The following TFCP2 variants were observed in gnomAD, a reference collection of about 807,000 sequenced individuals.
The protein encoded by TFCP2 is alpha-globin transcription factor CP2.
In TFCP2, 33 loss-of-function variants were observed where a neutral mutation model predicts 73.4. The ratio of observed to expected loss-of-function variants is 0.45; its 90% confidence interval spans 0.34 to 0.60. The LOEUF (loss-of-function observed/expected upper bound fraction) is 0.60. TFCP2 is among the 20% of genes least tolerant of loss of function. The probability of loss-of-function intolerance (pLI) is 0.01; values close to 1 mark genes in which losing one functional copy is unlikely to be tolerated. For synonymous variants in TFCP2, 193 were observed against 211.6 expected (o/e 0.91, Z 0.76); for missense variants, 352 against 604.0 (o/e 0.58, Z 4.37).
intron 6 of TFCP2, among the ~76,000 whole-genome samples, chr12:51,108,854 G>C (rs901956376): frequency 6.6e-6 from 1 of 152,166 alleles, no homozygotes; most frequent in Non-Finnish European, 1.5e-5. Context: ...CTTTACAAGA[G>C]CTTGTAACTT....
At chr12:51,119,214 C>T (rs903863219) in intron 1 of TFCP2, among the ~76,000 whole-genome samples, 7 of 152,102 alleles carry the variant, frequency 4.6e-5, no homozygotes, top group African/African-American at 1.2e-4. Flanking sequence ...AAATCAATAA[C>T]GAGTATATAT....
intron 1 of TFCP2, among the ~76,000 whole-genome samples, chr12:51,144,359 A>C (rs1476572253): frequency 6.6e-6 from 1 of 152,156 alleles, no homozygotes; most frequent in Non-Finnish European, 1.5e-5. Context: ...TCAATAAGCG[A>C]ACCAAGAAAG....
chr12:51,123,132 G>T (rs899575739), intron 1 of TFCP2, among the ~76,000 whole-genome samples: 5 of 152,104 alleles, frequency 3.3e-5, no homozygotes, highest in Non-Finnish European at 5.9e-5. Context: ...CTAAGCAAAG[G>T]ACTGTCATCT....
At chr12:51,164,597 G>GA (rs34452012) in intron 1 of TFCP2, among the ~76,000 whole-genome samples, 19,315 of 98,962 alleles carry the variant, frequency 0.2, 1,935 homozygotes, top group Middle Eastern at 0.33. Flanking sequence ...ACTCCATCTC[G>GA]AAAAAAAAAA....
intron 1 of TFCP2, among the ~76,000 whole-genome samples, chr12:51,161,968 A>C (rs1941660285): frequency 6.6e-6 from 1 of 151,782 alleles, no homozygotes; most frequent in African/African-American, 2.4e-5. Context: ...ATCAATAAAA[A>C]TATTTTAAAA....
At chr12:51,104,580 AT>A (rs1940184455) in intron 8 of TFCP2, among the ~76,000 whole-genome samples, 1 of 152,200 alleles carries the variant, frequency 6.6e-6, no homozygotes, top group African/African-American at 2.4e-5. Context: ...AAAATGAAAA[AT>A]ATCAGGATAA....
chr12:51,127,768 A>G (rs1201357520), intron 1 of TFCP2, among the ~76,000 whole-genome samples: 5 of 152,226 alleles, frequency 3.3e-5, no homozygotes, highest in Non-Finnish European at 7.3e-5. Context: ...CTCTAAATGA[A>G]TAAAAAATTC....
intron 1 of TFCP2, among the ~76,000 whole-genome samples, chr12:51,127,009 A>T (rs1940832723): frequency 1.3e-5 from 2 of 152,230 alleles, no homozygotes; most frequent in Non-Finnish European, 2.9e-5. Flanking sequence ...GCTACTGAAA[A>T]ATCTCATTCA....
intron 1 of TFCP2, among the ~76,000 whole-genome samples, chr12:51,136,534 C>T (rs1344087688): frequency 6.6e-6 from 1 of 152,046 alleles, no homozygotes; most frequent in African/African-American, 2.4e-5. Flanking sequence ...CTTGAAAGGG[C>T]CTAGTATGTT....
At chr12:51,102,342 G>A (rs1179926177) in intron 10 of TFCP2, among the ~76,000 whole-genome samples, 1 of 152,052 alleles carries the variant, frequency 6.6e-6, no homozygotes, top group Non-Finnish European at 1.5e-5. Context: ...TACTCGAGAA[G>A]CTGAGGTAGG....
chr12:51,115,273 C>T (rs556503802), intron 4 of TFCP2, among the ~76,000 whole-genome samples: 7 of 151,996 alleles, frequency 4.6e-5, no homozygotes, highest in African/African-American at 7.2e-5. Context: ...GCGCCCGCCA[C>T]CACGCCCAGC....
chr12:51,158,772 A>C (rs1020112462), intron 1 of TFCP2, among the ~76,000 whole-genome samples: 2 of 150,308 alleles, frequency 1.3e-5, no homozygotes, highest in Non-Finnish European at 3.0e-5. Context: ...TACAGGCGTG[A>C]CCCACCACAC....
At chr12:51,117,924 C>T (rs1940569656) in intron 2 of TFCP2, among the ~76,000 whole-genome samples, 177 bp from the exon 3 acceptor site, 1 of 152,166 alleles carries the variant, frequency 6.6e-6, no homozygotes. Context: ...GTCACATTAT[C>T]TCATTTAACT....
intron 1 of TFCP2, among the ~76,000 whole-genome samples, chr12:51,123,427 C>A (rs1379520630): frequency 6.6e-6 from 1 of 152,084 alleles, no homozygotes; most frequent in Non-Finnish European, 1.5e-5. Context: ...CAAGTGCATC[C>A]AGAAAGAAAC....
chr12:51,137,399 A>T (rs1592819303), intron 1 of TFCP2, among the ~76,000 whole-genome samples: 1 of 152,224 alleles, frequency 6.6e-6, no homozygotes, highest in Non-Finnish European at 1.5e-5. Flanking sequence ...GAAGCTGAAA[A>T]GTATCTGTGT....
At chr12:51,150,445 A>T (rs1035256687) in intron 1 of TFCP2, among the ~76,000 whole-genome samples, 2 of 152,162 alleles carry the variant, frequency 1.3e-5, no homozygotes, top group South Asian at 2.1e-4. Flanking sequence ...AATTTTTTTT[A>T]AAAAGTAATG....
In TFCP2 at chr12:51,172,476, G is replaced by A. The variant is rs952696957; in HGVS notation, c.-54C>T. 2.5e-6 allele frequency: 4 copies of A among 1,607,908 alleles called. No homozygotes were observed. The African/African-American group carries it at 4.0e-5, about 16-fold the overall frequency. On this transcript the variant is annotated 5_prime_UTR_variant, in exon 1 of 15. Transcript: ENST00000257915. ...CCGTGTCTTGTACAAAGGCGCGGAG[G>A]GTAATTCTACCCAACAGGAGTAACG...
chr12:51,158,034 T>C (rs931760745), intron 1 of TFCP2, among the ~76,000 whole-genome samples: 2 of 151,966 alleles, frequency 1.3e-5, no homozygotes, highest in Middle Eastern at 3.2e-3. Context: ...CAGAGTCTTG[T>C]TCTGTCACCA....
intron 13 of TFCP2, among the ~76,000 whole-genome samples, chr12:51,096,568 T>C (rs1165035163): frequency 6.6e-6 from 1 of 152,182 alleles, no homozygotes; most frequent in African/African-American, 2.4e-5. Context: ...AACTGAGCAA[T>C]AGACCCTTTT....
Sources: allele counts gnomAD v4.1 joint callset (sites outside exome capture counted in the v4.1 genomes callset), GRCh38; gene constraint gnomAD v4.1.1; transcripts MANE v1.5; gene names NCBI Gene and HGNC (gene_info 2026-07-23, HGNC 2026-07-21).